SLC25A42: variants seen among roughly 807,000 people sequenced by gnomAD.
The protein encoded by SLC25A42 is mitochondrial coenzyme A transporter SLC25A42.
In SLC25A42, 19 loss-of-function variants were observed where a neutral mutation model predicts 34.7. That is an observed-to-expected ratio of 0.55 (90% CI 0.38 to 0.80). The LOEUF is 0.80. Among genes scored for constraint, SLC25A42 ranks in the 30% least tolerant of loss-of-function variants. SLC25A42 has a pLI of 0.00. For synonymous variants in SLC25A42, 205 were observed against 191.2 expected (o/e 1.07, Z -0.59); for missense variants, 364 against 441.3 (o/e 0.82, Z 1.57).
intron 1 of SLC25A42, among the ~76,000 whole-genome samples, chr19:19,082,988 T>A (rs1215368630): frequency 1.3e-5 from 2 of 151,954 alleles, no homozygotes; most frequent in African/African-American, 2.4e-5. Context: ...CCAGCTAATT[T>A]TTTTTGTATT....
chr19:19,110,532 C>T (rs2059857402), intron 7 of SLC25A42, 37 bp from the exon 8 acceptor site: 7 of 1,373,244 alleles, frequency 5.1e-6, no homozygotes, highest in Non-Finnish European at 6.5e-6. Flanking sequence ...CGCCCCCTCG[C>T]GGCGCCTTCA....
Position 19,106,670 on chromosome 19 carries a change from C to T in SLC25A42, c.497+285C>T, listed in dbSNP as rs140966157. 3.5e-3 allele frequency: 679 copies of T among 194,540 alleles called. 24 individuals are homozygous for T. The East Asian group carries it at 0.064, about 18-fold the overall frequency. The allele number at this position is 194,540 out of a possible 1,614,324, so 12.1% of individuals were successfully genotyped here. A position where few individuals can be genotyped will look rare whatever the true frequency, so the allele number is the denominator to read the frequency against. On this transcript the variant is annotated intron_variant, in intron 6 of 7. Transcript: ENST00000318596. Reference sequence around the variant, plus strand: ...GAATACGGCCGGGCACGGTGGCTCACGCCTGTAATCCCAACACTTTGGGAG... The same window carrying T: ...GAATACGGCCGGGCACGGTGGCTCATGCCTGTAATCCCAACACTTTGGGAG...
intron 5 of SLC25A42, 168 bp from the exon 6 acceptor site, chr19:19,106,101 T>C (rs1384686289): frequency 2.0e-5 from 12 of 614,008 alleles, no homozygotes; most frequent in Non-Finnish European, 3.2e-5. Flanking sequence ...TGAGGCCCAC[T>C]CCAGAGACCC....
intron 6 of SLC25A42, 188 bp downstream of exon 6, chr19:19,106,573 G>T (rs2059829718): frequency 2.0e-6 from 1 of 506,634 alleles, no homozygotes; most frequent in Non-Finnish European, 3.5e-6. Flanking sequence ...TTAGCCTGGG[G>T]GTCACTTTCT....
At chr19:19,080,783 G>T (rs894644400) in intron 1 of SLC25A42, among the ~76,000 whole-genome samples, 10 of 151,970 alleles carry the variant, frequency 6.6e-5, no homozygotes, top group African/African-American at 1.9e-4. Context: ...AGCTGGGCTT[G>T]GTGGTACCTA....
At chr19:19,104,384 C>A (rs572235305) in intron 3 of SLC25A42, among the ~76,000 whole-genome samples, 1 of 152,176 alleles carries the variant, frequency 6.6e-6, no homozygotes, top group Non-Finnish European at 1.5e-5. Flanking sequence ...TCCTGGTGAC[C>A]GTTTGTGGCC....
In SLC25A42 at chr19:19,105,684, G is replaced by T. The variant is rs751466309; in HGVS notation, c.337G>T (p.Glu113Ter). The change falls in exon 5 of 8, where the codon GAG becomes TAG. Residue 113 changes from glutamate (E) to a stop codon, truncating the protein, a stop_gained. Coordinates refer to ENST00000318596, the MANE Select transcript of SLC25A42 (RefSeq NM_178526.5). LOFTEE classifies it high-confidence loss of function. ...CGCCATCCAGTTCAGCGCACACGAG[G>T]AGTACAAGCGCATCCTGGGCAGCTA... ...YAAIQFSAHE[E>*]YKRILGSYYG... is the part of the protein sequence containing the mutation. 1 of 1,610,248 alleles carries T rather than the reference G, an allele frequency of 6.2e-7. No homozygotes were observed. The highest frequency in any genetic ancestry group is 8.5e-7 in the Non-Finnish European group (1 of 1,177,786).
At position 19,109,324 on chromosome 19, in the gene SLC25A42, G is replaced by T. The variant is rs142545416; in HGVS notation, c.650-1245G>T. On this transcript the variant is annotated intron_variant, in intron 7 of 7. Transcript: ENST00000318596. The surrounding 1 kb of genome is among the most constrained non-coding windows in gnomAD (Gnocchi z 4.1). ...GTGACTGTAAAACCCCATTTTCGGT[G>T]TTTCTCTCTGGAGTGCTTTCCAGCC... is the stretch of plus-strand genomic sequence containing the variant. Among the ~76,000 whole-genome samples the T allele has an allele frequency of 3.1e-3, 474 of 152,340 alleles. 1 individual carries two copies. Among genetic ancestry groups the T allele is most frequent in the African/African-American group, 0.011 (437 of 41,576 alleles).
chr19:19,102,670 G>C (rs1409117250), intron 3 of SLC25A42, among the ~76,000 whole-genome samples: 1 of 152,016 alleles, frequency 6.6e-6, no homozygotes, highest in East Asian at 1.9e-4. Flanking sequence ...CTTGAACCTG[G>C]GAGGCGGAGG....
At chr19:19,107,616 G>A (rs1321031487) in intron 6 of SLC25A42, among the ~76,000 whole-genome samples, 1 of 152,176 alleles carries the variant, frequency 6.6e-6, no homozygotes, top group Non-Finnish European at 1.5e-5. Context: ...GGGCAACAGA[G>A]GGAGACTGTC....
At chr19:19,065,466 T>C (rs2059596977) in intron 1 of SLC25A42, among the ~76,000 whole-genome samples, 1 of 152,216 alleles carries the variant, frequency 6.6e-6, no homozygotes, top group African/African-American at 2.4e-5. Flanking sequence ...CCCTTGAGTC[T>C]GATTTGCAAG....
chr19:19,086,206 TCACTGCAACCTCTGCCTCCCAGG>T (rs2059707843), intron 1 of SLC25A42, among the ~76,000 whole-genome samples: 1 of 152,136 alleles, frequency 6.6e-6, no homozygotes, highest in Non-Finnish European at 1.5e-5. Context: ...AGTGGCATGA[TCACTGCAACCTCTGCCTCCCAGG>T]TTCAAGCGTT....
rs1253223750 is a variant in SLC25A42 at position 19,101,885 on chromosome 19, A to G, written c.186A>G (p.Gln62=). The G allele has an allele frequency of 9.9e-6, 16 of 1,611,818 alleles. No individual in the cohort carries two copies. The highest frequency in any genetic ancestry group is 1.4e-5 in the Non-Finnish European group (16 of 1,178,828). ...APLDRTKIIF[Q]VSSKRFSAKE... is the part of the protein sequence containing the mutation. ...TGGACCGAACCAAAATCATCTTCCA[A>G]GGTAAGTGTTGGCCATCCCCAGGTG... is the stretch of plus-strand genomic sequence containing the variant. The change falls in exon 3 of 8, where the codon CAA becomes CAG. Residue 62 remains glutamine, a splice_region_variant and synonymous_variant. Transcript: ENST00000318596.
At chr19:19,096,037 CCCA>C in intron 1 of SLC25A42, 51 bp from the exon 2 acceptor site, 1 of 1,190,844 alleles carries the variant, frequency 8.4e-7, no homozygotes, top group South Asian at 1.3e-5. Context: ...TGGTGGAACA[CCCA>C]CCATCTCTCA....
Position 19,110,803 on chromosome 19 carries a change from G to T in SLC25A42, c.884G>T (p.Gly295Val), listed in dbSNP as rs1599695310. ...GGCTTGAGCATGAACTGGGTCAAGG[G>T]TCCCATCGCCGTGGGCATCAGCTTC... ...YKGLSMNWVK[G>V]PIAVGISFTT... is the part of the protein sequence containing the mutation. Residue 295 changes from glycine (G) to valine (V), a missense_variant, in exon 8 of 8, where the codon GGT becomes GTT. Physicochemically the swap from Gly to Val is moderately radical, Grantham distance 109. Coordinates refer to ENST00000318596, the MANE Select transcript of SLC25A42 (RefSeq NM_178526.5). 1.2e-6 allele frequency: 2 copies of T among 1,613,908 alleles called. No individual in the cohort carries two copies. Among genetic ancestry groups the T allele is most frequent in the East Asian group, 4.5e-5 (2 of 44,868 alleles).
At chr19:19,108,208 T>C (rs2040611060) in intron 7 of SLC25A42, among the ~76,000 whole-genome samples, 163 bp downstream of exon 7, 1 of 152,150 alleles carries the variant, frequency 6.6e-6, no homozygotes, top group Non-Finnish European at 1.5e-5. Flanking sequence ...AAACACACTG[T>C]GTGCAGCCGC....
At chr19:19,089,537 AAT>A (rs2059726739) in intron 1 of SLC25A42, among the ~76,000 whole-genome samples, 71 of 131,248 alleles carry the variant, frequency 5.4e-4, no homozygotes, top group Admixed American at 1.3e-3. Context: ...CAAAAAAAAT[AAT>A]AATAATAATA....
chr19:19,096,766 G>T (rs750965644), intron 2 of SLC25A42, among the ~76,000 whole-genome samples: 1 of 151,862 alleles, frequency 6.6e-6, no homozygotes, highest in African/African-American at 2.4e-5. Context: ...GTGAAACCCC[G>T]TCTCTACTAA....
chr19:19,107,927 C>T lies in SLC25A42; in HGVS notation c.531C>T (p.Ile177=). 6.2e-7 allele frequency: 1 copy of T among 1,614,158 alleles called. No homozygotes were observed. Among genetic ancestry groups the T allele is most frequent in the South Asian group, 1.1e-5 (1 of 91,082 alleles). The change falls in exon 7 of 8, where the codon ATC becomes ATT. Residue 177 remains isoleucine (I), a synonymous_variant. Transcript: ENST00000318596. ...ACATCTTTCATGTCTTCATCCGCAT[C>T]TCGAGAGAAGAGGGGCTGAAGACTC... is the stretch of plus-strand genomic sequence containing the variant. The part of the protein sequence containing the change: ...YSNIFHVFIR[I]SREEGLKTLY...
Sources: gnomAD v4.1 joint callset for allele counts (sites outside exome capture counted in the v4.1 genomes callset) on GRCh38, gnomAD v4.1.1 for gene constraint, Gnocchi (gnomAD v3.1) non-coding constraint, MANE v1.5 for transcripts, NCBI Gene and HGNC (gene_info 2026-07-23, HGNC 2026-07-21) for gene names.